Variants in CACNA1D observed in about 807,000 individuals in gnomAD.
The protein encoded by CACNA1D is voltage-dependent L-type calcium channel subunit alpha-1D.
A neutral mutation model predicts 257.1 loss-of-function variants in CACNA1D; 55 were observed. The ratio of observed to expected loss-of-function variants is 0.21; its 90% CI spans 0.17 to 0.27. The LOEUF (loss-of-function observed/expected upper bound fraction) is 0.27, where lower values mean the gene tolerates loss of function less well. CACNA1D is among the 10% of genes least tolerant of loss of function. CACNA1D has a pLI of 1.00. For missense variants in CACNA1D, 1,876 were observed against 2,784.0 expected, an observed-to-expected ratio of 0.67 and a Z score of 7.34; for synonymous variants, 980 against 1,014.9, an observed-to-expected ratio of 0.97 and a Z score of 0.65.
intron 3 of CACNA1D, among the ~76,000 whole-genome samples, chr3:53,644,723 A>G (rs977823909): frequency 2.6e-5 from 4 of 152,226 alleles, no homozygotes; most frequent in African/African-American, 9.6e-5. Context: ...TCATCCATTG[A>G]TGAACATGGA....
At chr3:53,794,444 C>T (rs952655015) in intron 40 of CACNA1D, among the ~76,000 whole-genome samples, 1 of 152,064 alleles carries the variant, frequency 6.6e-6, no homozygotes, top group Non-Finnish European at 1.5e-5. Flanking sequence ...TTCAGACGTC[C>T]CAAAGGCTGG....
intron 3 of CACNA1D, among the ~76,000 whole-genome samples, chr3:53,646,346 G>A (rs912776236): frequency 6.6e-6 from 1 of 152,072 alleles, no homozygotes; most frequent in Non-Finnish European, 1.5e-5. Context: ...TTCTAAAAAG[G>A]GTTTATGGTA....
chr3:53,735,760 G>A (rs1044463453), intron 20 of CACNA1D, among the ~76,000 whole-genome samples: 2 of 152,256 alleles, frequency 1.3e-5, no homozygotes, highest in Non-Finnish European at 2.9e-5. Flanking sequence ...CAGGGAGCCT[G>A]CTTCTCCGCC....
chr3:53,791,392 G>A (rs2106642039), intron 40 of CACNA1D: 1 of 198,926 alleles, frequency 5.0e-6, no homozygotes, highest in Admixed American at 5.9e-5. Flanking sequence ...ACTTCCTGAT[G>A]CTGGCCAGTA....
At chr3:53,695,119 C>T (rs2094561760) in intron 8 of CACNA1D, among the ~76,000 whole-genome samples, 1 of 152,130 alleles carries the variant, frequency 6.6e-6, no homozygotes, top group Non-Finnish European at 1.5e-5. Context: ...CAGGCTGTTG[C>T]CCAGGGAAAG....
intron 3 of CACNA1D, among the ~76,000 whole-genome samples, chr3:53,573,564 G>A (rs747459015): frequency 6.4e-4 from 97 of 152,208 alleles, no homozygotes; most frequent in Admixed American, 5.9e-4. Flanking sequence ...GAACTTCTTG[G>A]CTTTATTTTT....
rs936822938 is a variant in CACNA1D, at chr3:53,495,803, G to T, written c.67+570G>T. 1.2e-4 allele frequency among the ~76,000 whole-genome samples: 19 copies of T among 152,200 alleles called. No homozygotes were observed. Among genetic ancestry groups the T allele is most frequent in the Non-Finnish European group, 5.9e-5 (4 of 68,038 alleles). ...AGCGTGCGTTCCCGCTCCCGTCGCC[G>T]GCTGTGCACACGTCGGTAACCTAGC... On this transcript the variant is annotated intron_variant, in intron 1 of 47. Transcript: ENST00000350061. This position sits in a 1 kb window ranked among gnomAD's most constrained non-coding sequence, Gnocchi z 5.1.
At chr3:53,754,231 A>C (rs1214361629) in intron 29 of CACNA1D, among the ~76,000 whole-genome samples, 1 of 152,250 alleles carries the variant, frequency 6.6e-6, no homozygotes, top group Non-Finnish European at 1.5e-5. Context: ...CTTTAACACA[A>C]AATGAGACAT....
At chr3:53,737,432 A>T (rs991759844) in intron 20 of CACNA1D, among the ~76,000 whole-genome samples, 3 of 152,238 alleles carry the variant, frequency 2.0e-5, no homozygotes, top group Admixed American at 2.0e-4. Context: ...CATAGATTAT[A>T]TGCAAACACT....
intron 3 of CACNA1D, among the ~76,000 whole-genome samples, chr3:53,647,111 C>T (rs933038798): frequency 2.7e-5 from 4 of 147,834 alleles, no homozygotes; most frequent in Admixed American, 1.3e-4. Context: ...CTTGAGTTCT[C>T]GTGGGCGGGG....
intron 3 of CACNA1D, among the ~76,000 whole-genome samples, chr3:53,592,353 G>T (rs2093317532): frequency 6.6e-6 from 1 of 152,082 alleles, no homozygotes; most frequent in Non-Finnish European, 1.5e-5. Context: ...TGTGTGTGTG[G>T]GGGAAGGAGA....
chr3:53,696,481 G>A (rs2094574302), intron 8 of CACNA1D, among the ~76,000 whole-genome samples: 1 of 152,222 alleles, frequency 6.6e-6, no homozygotes, highest in Non-Finnish European at 1.5e-5. Flanking sequence ...GATGGGGTAA[G>A]GTGTTGCTCT....
intron 8 of CACNA1D, among the ~76,000 whole-genome samples, chr3:53,697,087 C>G (rs937195035): frequency 1.3e-5 from 2 of 152,234 alleles, no homozygotes. Flanking sequence ...AGATTCCTTA[C>G]TGAGTAATTG....
At chr3:53,785,988 A>G (rs1190103951) in intron 39 of CACNA1D, 1 of 152,400 alleles carries the variant, frequency 6.6e-6, no homozygotes, top group Non-Finnish European at 1.5e-5. Context: ...GAGACACAGC[A>G]CACTGAAGAT....
rs374721231 is a variant in CACNA1D at position 53,747,387 on chromosome 3, G to A, written c.3253G>A (p.Asp1085Asn). 5.0e-6 allele frequency: 8 copies of A among 1,614,024 alleles called. No individual in the cohort carries two copies. The highest frequency in any genetic ancestry group is 1.3e-5 in the African/African-American group (1 of 74,934). ...RIWQNSDFNF[D>N]NVLSAMMALF... ...CTGGCAAAACAGTGATTTCAACTTC[G>A]ACAACGTCCTCTCTGCTATGATGGC... Residue 1085 changes from aspartate to asparagine, a missense_variant, in exon 26 of 48, where the codon GAC becomes AAC. Around this residue, in one of 10 missense-constraint regions of CACNA1D, gnomAD observed 271 missense variants for 425.5 expected, o/e 0.64. Coordinates refer to ENST00000350061, the MANE Select transcript of CACNA1D (RefSeq NM_001128840.3).
rs556816880 is a variant in CACNA1D, at chr3:53,687,372, A to G, written c.1220+14246A>G. Among the ~76,000 whole-genome samples, 323 of 152,294 alleles carry G rather than the reference A, an allele frequency of 2.1e-3. 3 individuals carry two copies. Among genetic ancestry groups the G allele is most frequent in the African/African-American group, 7.5e-3 (313 of 41,588 alleles). The stretch of plus-strand genomic sequence containing the variant: ...CTGCTGATTTCAAAATTTACTGTAA[A>G]GCTGTAATAAATACAATGTTTGACA... On this transcript the variant is annotated intron_variant, in intron 8 of 47. Coordinates refer to ENST00000350061, the MANE Select transcript of CACNA1D (RefSeq NM_001128840.3).
chr3:53,784,811 A>G (rs909874851), intron 39 of CACNA1D, among the ~76,000 whole-genome samples: 31 of 152,178 alleles, frequency 2.0e-4, no homozygotes, highest in African/African-American at 1.2e-4. Flanking sequence ...ATACACTTGC[A>G]TGGTGTGAGA....
chr3:53,804,485 C>T (rs1409884184), intron 44 of CACNA1D, among the ~76,000 whole-genome samples: 2 of 152,170 alleles, frequency 1.3e-5, no homozygotes, highest in Non-Finnish European at 2.9e-5. Flanking sequence ...GAATTGAAAT[C>T]CCTCCCCCAA....
rs547983359 is a variant in CACNA1D, at chr3:53,768,217, T to A, written c.3871-1756T>A. Among the ~76,000 whole-genome samples, 145 of 152,156 alleles carry A rather than the reference T, an allele frequency of 9.5e-4. 1 individual carries two copies. The highest frequency in any genetic ancestry group is 1.6e-3 in the Non-Finnish European group (112 of 68,038). On this transcript the variant is annotated intron_variant, in intron 30 of 47. Transcript: ENST00000350061. The stretch of plus-strand genomic sequence containing the variant: ...TTAGGCCAGACTGTGGCCAGGAGTG[T>A]CTTCCCTGACCAACAGGCCCCTTAC...
Sources: gnomAD v4.1 joint callset for allele counts (sites outside exome capture counted in the v4.1 genomes callset) on GRCh38, gnomAD v4.1.1 for gene constraint, gnomAD v4.1.1 regional missense constraint, Gnocchi (gnomAD v3.1) non-coding constraint, MANE v1.5 for transcripts, NCBI Gene and HGNC (gene_info 2026-07-23, HGNC 2026-07-21) for gene names.